The following ATP2B2 variants were observed in gnomAD, a reference collection of about 807,000 sequenced individuals.
The protein encoded by ATP2B2 is plasma membrane calcium-transporting ATPase 2.
In ATP2B2, 15 loss-of-function variants were observed where a neutral mutation model predicts 120.0. That is an observed-to-expected ratio of 0.12 (90% CI 0.08 to 0.19). ATP2B2 has a LOEUF of 0.19. Ranked by LOEUF, ATP2B2 falls within the 10% of genes least tolerant of loss-of-function variation. The pLI, the probability that ATP2B2 is intolerant of heterozygous loss-of-function variation, is 1.00. For missense variants in ATP2B2, 1,045 were observed against 1,719.8 expected (o/e 0.61, Z 6.94); for synonymous variants, 694 against 700.3 (o/e 0.99, Z 0.14).
At chr3:10,429,599 C>T (rs1434800012) in intron 2 of ATP2B2, among the ~76,000 whole-genome samples, 1 of 152,190 alleles carries the variant, frequency 6.6e-6, no homozygotes, top group Admixed American at 6.5e-5. Context: ...CCCTGTCTCT[C>T]CATCTCCTTG....
intron 1 of ATP2B2, among the ~76,000 whole-genome samples, chr3:10,650,688 T>C (rs1395486974): frequency 2.6e-5 from 4 of 152,192 alleles, no homozygotes; most frequent in Non-Finnish European, 4.4e-5. Context: ...TTTTGTGGGC[T>C]TGCCCCCCTG....
chr3:10,552,439 G>T (rs1293518853), intron 2 of ATP2B2, among the ~76,000 whole-genome samples: 1 of 152,216 alleles, frequency 6.6e-6, no homozygotes. Context: ...CTGGGGTGAG[G>T]GAAAAATCCC....
chr3:10,517,270 A>G (rs2066895161), intron 3 of ATP2B2, among the ~76,000 whole-genome samples: 1 of 152,176 alleles, frequency 6.6e-6, no homozygotes. Flanking sequence ...CAAGTGTCAC[A>G]CTGGGCAGAT....
In ATP2B2 at chr3:10,533,542, T is replaced by C. The variant is rs1288435437; in HGVS notation, c.-320+497A>G. Among the ~76,000 whole-genome samples, 4 of 152,190 alleles carry C rather than the reference T, an allele frequency of 2.6e-5. No homozygotes were observed. In the East Asian group the frequency reaches 7.7e-4, roughly 29 times the overall value. Reference sequence around the variant, plus strand: ...AATAAACATACTACTGCCACTCCTGTCCTCTCTGTCAGCACTTAGCACATG... The same window carrying C: ...AATAAACATACTACTGCCACTCCTGCCCTCTCTGTCAGCACTTAGCACATG... On this transcript the variant is annotated intron_variant, in intron 3 of 21. Coordinates refer to the ATP2B2 transcript ENST00000646379.
At chr3:10,414,983 G>A (rs925530648) in intron 2 of ATP2B2, among the ~76,000 whole-genome samples, 2 of 152,172 alleles carry the variant, frequency 1.3e-5, no homozygotes, top group South Asian at 2.1e-4. Context: ...AGGCTCACAT[G>A]GGGCCTCTGA....
At chr3:10,636,025 T>G (rs754284286) in intron 1 of ATP2B2, among the ~76,000 whole-genome samples, 10 of 152,198 alleles carry the variant, frequency 6.6e-5, no homozygotes, top group Non-Finnish European at 1.2e-4. Context: ...TTTGGCAGCC[T>G]GGAGACCTCT....
At chr3:10,382,637 A>C (rs971183253) in intron 8 of ATP2B2, among the ~76,000 whole-genome samples, 1 of 151,972 alleles carries the variant, frequency 6.6e-6, no homozygotes, top group African/African-American at 2.4e-5. Context: ...GATTTCAGGC[A>C]TGAGTCATTG....
chr3:10,576,701 C>T (rs1487889781), intron 2 of ATP2B2, among the ~76,000 whole-genome samples: 1 of 151,890 alleles, frequency 6.6e-6, no homozygotes, highest in Non-Finnish European at 1.5e-5. Flanking sequence ...TTTAAAGGTC[C>T]AGAGTCCTTT....
chr3:10,541,617 G>C (rs536346520), intron 2 of ATP2B2, among the ~76,000 whole-genome samples: 1 of 152,192 alleles, frequency 6.6e-6, no homozygotes, highest in Non-Finnish European at 1.5e-5. Context: ...TTCCACCGTG[G>C]CCAGAGAAAA....
At chr3:10,598,066 T>C (rs879290875) in intron 2 of ATP2B2, among the ~76,000 whole-genome samples, 2 of 152,080 alleles carry the variant, frequency 1.3e-5, no homozygotes, top group African/African-American at 2.4e-5. Flanking sequence ...GGAAGGTAAG[T>C]GATGAGACAA....
intron 1 of ATP2B2, among the ~76,000 whole-genome samples, chr3:10,624,519 C>T (rs777794210): frequency 2.6e-5 from 4 of 152,116 alleles, no homozygotes; most frequent in African/African-American, 4.8e-5. Context: ...ACAATCTCAG[C>T]GCCTGAAATG....
intron 1 of ATP2B2, among the ~76,000 whole-genome samples, chr3:10,500,633 T>C (rs950451178): frequency 6.6e-6 from 1 of 150,654 alleles, no homozygotes; most frequent in African/African-American, 2.5e-5. Flanking sequence ...AGAGCAAGGG[T>C]TGCTGGCCAC....
At chr3:10,359,763 C>A in intron 13 of ATP2B2, 119 bp downstream of exon 13, 2 of 1,475,818 alleles carry the variant, frequency 1.4e-6, no homozygotes, top group South Asian at 1.2e-5. Context: ...GACGGCCACT[C>A]CAGCCGGGCA....
rs138201088 is a variant in ATP2B2, at chr3:10,656,479, C to T, written c.-459-36518G>A. On this transcript the variant is annotated intron_variant, in intron 1 of 21. Coordinates refer to the ATP2B2 transcript ENST00000646379. ...TCCTTCTTACTCAGAGGACGATGTC[C>T]AAATGCTGTACCTAGACATTCAAGG... Among the ~76,000 whole-genome samples the T allele has an allele frequency of 5.3e-4, 81 of 152,312 alleles. 1 individual carries two copies. In the East Asian group the frequency reaches 0.011, roughly 20 times the overall value.
intron 1 of ATP2B2, among the ~76,000 whole-genome samples, chr3:10,628,054 G>A (rs987231103): frequency 1.3e-5 from 2 of 152,172 alleles, no homozygotes; most frequent in African/African-American, 2.4e-5. Context: ...GGCCTATTGC[G>A]GGATGGGCGT....
chr3:10,586,649 T>C (rs2125569611), intron 2 of ATP2B2, among the ~76,000 whole-genome samples: 1 of 152,292 alleles, frequency 6.6e-6, no homozygotes, highest in South Asian at 2.1e-4. Flanking sequence ...TGGATGTGCA[T>C]CCTTCTGGCC....
At chr3:10,578,285 C>T (rs995495497) in intron 2 of ATP2B2, among the ~76,000 whole-genome samples, 8 of 152,068 alleles carry the variant, frequency 5.3e-5, no homozygotes, top group African/African-American at 1.9e-4. Flanking sequence ...CCTACACCTA[C>T]CCTATGGCCC....
chr3:10,664,524 T>C (rs1048035775), intron 1 of ATP2B2, among the ~76,000 whole-genome samples: 3 of 152,192 alleles, frequency 2.0e-5, no homozygotes, highest in Non-Finnish European at 4.4e-5. Flanking sequence ...GGAAGGCTCC[T>C]TGGTCATGGG....
At chr3:10,449,905 G>A (rs1047379073) in intron 1 of ATP2B2, 43 bp from the exon 2 acceptor site, 5 of 375,972 alleles carry the variant, frequency 1.3e-5, no homozygotes, top group Non-Finnish European at 2.6e-5. Flanking sequence ...CCAGGCACTG[G>A]AGGCCACATG....
Sources: gnomAD v4.1 joint callset for allele counts (sites outside exome capture counted in the v4.1 genomes callset) on GRCh38, gnomAD v4.1.1 for gene constraint, MANE v1.5 for transcripts, NCBI Gene and HGNC (gene_info 2026-07-23, HGNC 2026-07-21) for gene names.